The following SPMIP4 variants were observed in gnomAD, a reference collection of about 807,000 sequenced individuals.
SPMIP4 encodes sperm microtubule inner protein 4, also known as sperm-associated microtubule inner protein 4.
chr7:25,136,757 G>A, the SPMIP4 span: 1 of 1,613,022 alleles, frequency 6.2e-7, no homozygotes, highest in Admixed American at 1.7e-5. The surrounding 1 kb of genome is among the most constrained non-coding windows in gnomAD (Gnocchi z 5.7). Context: ...CCTTCCAACG[G>A]TCTGGGAGGT....
At chr7:25,157,413 G>C in the SPMIP4 span, among the ~76,000 whole-genome samples, 1 of 152,208 alleles carries the variant, frequency 6.6e-6, no homozygotes. Flanking sequence ...AAGGAGGAAA[G>C]AAAGAGTGTG....
At chr7:25,138,668 C>T in the SPMIP4 span, among the ~76,000 whole-genome samples, 15 of 152,352 alleles carry the variant, frequency 9.8e-5, no homozygotes, top group African/African-American at 3.1e-4. The surrounding 1 kb of genome is among the most constrained non-coding windows in gnomAD (Gnocchi z 6.2). Flanking sequence ...TAAAAACCCT[C>T]ATACATTTCT....
the SPMIP4 span, among the ~76,000 whole-genome samples, chr7:25,166,924 GT>G: frequency 6.6e-6 from 1 of 152,228 alleles, no homozygotes; most frequent in Middle Eastern, 3.4e-3. Flanking sequence ...ATATGCAAGT[GT>G]AACTGGCATT....
chr7:25,163,153 AG>A, the SPMIP4 span, among the ~76,000 whole-genome samples: 1 of 152,250 alleles, frequency 6.6e-6, no homozygotes, highest in Non-Finnish European at 1.5e-5. This position sits in a 1 kb window ranked among gnomAD's most constrained non-coding sequence, Gnocchi z 4.4. Flanking sequence ...AGAGACACAG[AG>A]AGAAAAGAAT....
At chr7:25,141,328 C>T in the SPMIP4 span, among the ~76,000 whole-genome samples, 3 of 152,106 alleles carry the variant, frequency 2.0e-5, no homozygotes, top group African/African-American at 7.2e-5. Context: ...AATCCCAGCA[C>T]TTTGGGAGGC....
the SPMIP4 span, chr7:25,179,397 A>G: frequency 7.0e-7 from 1 of 1,437,622 alleles, no homozygotes; most frequent in South Asian, 1.3e-5. Flanking sequence ...CACATTTTAC[A>G]CTGCTAAATT....
chr7:25,177,025 T>C, the SPMIP4 span, among the ~76,000 whole-genome samples: 1 of 152,164 alleles, frequency 6.6e-6, no homozygotes, highest in African/African-American at 2.4e-5. Flanking sequence ...GGATGATGAA[T>C]GACTATTCTG....
the SPMIP4 span, chr7:25,134,550 G>T: frequency 4.9e-6 from 2 of 406,432 alleles, no homozygotes; most frequent in Non-Finnish European, 6.6e-6. Flanking sequence ...AGAGAAGGCT[G>T]TGCCACCCTT....
chr7:25,141,742 A>G, the SPMIP4 span, among the ~76,000 whole-genome samples: 3 of 151,894 alleles, frequency 2.0e-5, no homozygotes, highest in African/African-American at 7.3e-5. Context: ...GAAGAAAAGA[A>G]ATCTCTTTTT....
Sources: allele counts gnomAD v4.1 joint callset (sites outside exome capture counted in the v4.1 genomes callset), GRCh38; gene constraint gnomAD v4.1.1; non-coding constraint Gnocchi (gnomAD v3.1); transcripts MANE v1.5; gene names NCBI Gene and HGNC (gene_info 2026-07-23, HGNC 2026-07-21).